Variants in HMBOX1 observed in about 807,000 individuals in gnomAD.
HMBOX1 encodes the protein homeobox-containing protein 1.
Under a neutral mutation model 54.5 loss-of-function variants are expected in HMBOX1, and 14 were observed. The observed-to-expected ratio is 0.26, with a 90% CI of 0.17 to 0.40. The LOEUF (loss-of-function observed/expected upper bound fraction) is 0.40, where lower values mean the gene tolerates loss of function less well. Among genes scored for constraint, HMBOX1 ranks in the 10% least tolerant of loss-of-function variants. HMBOX1 has a pLI of 1.00. For missense variants in HMBOX1, 332 were observed against 514.4 expected, an observed-to-expected ratio of 0.65 and a Z score of 3.43; for synonymous variants, 160 against 181.0, an observed-to-expected ratio of 0.88 and a Z score of 0.93.
At chr8:28,896,277 GT>G (rs770641708) in intron 1 of HMBOX1, among the ~76,000 whole-genome samples, 5 of 152,166 alleles carry the variant, frequency 3.3e-5, no homozygotes, top group African/African-American at 4.8e-5. Context: ...CTTTTCCCCA[GT>G]TTCCCCTATT....
intron 9 of HMBOX1, chr8:29,050,733 G>GATC (rs767036129): frequency 2.5e-6 from 1 of 393,772 alleles, no homozygotes; most frequent in East Asian, 4.9e-5. Context: ...CTGCAGGTTT[G>GATC]ATCATCATCA....
intron 1 of HMBOX1, among the ~76,000 whole-genome samples, chr8:28,919,773 A>T (rs1019078149): frequency 6.6e-6 from 1 of 152,216 alleles, no homozygotes; most frequent in African/African-American, 2.4e-5. Flanking sequence ...GGTAGTATAT[A>T]ATTTGTATTT....
intron 1 of HMBOX1, among the ~76,000 whole-genome samples, chr8:28,909,348 G>C (rs1210897695): frequency 1.3e-5 from 2 of 152,066 alleles, no homozygotes; most frequent in East Asian, 3.9e-4. Context: ...TGGGTAACTA[G>C]AAAAATTAAG....
intron 1 of HMBOX1, among the ~76,000 whole-genome samples, chr8:28,896,592 T>C (rs1455867081): frequency 1.3e-5 from 2 of 148,794 alleles, no homozygotes; most frequent in Admixed American, 6.7e-5. Flanking sequence ...ACGGACTGAA[T>C]ATATGACAGT....
intron 6 of HMBOX1, among the ~76,000 whole-genome samples, chr8:29,037,474 G>A (rs7018244): frequency 0.4 from 61,130 of 151,800 alleles, 12,899 homozygotes; most frequent in African/African-American, 0.53. Flanking sequence ...GGGATACACA[G>A]GAAAATATAA....
At chr8:29,034,830 C>T (rs967672815) in intron 6 of HMBOX1, among the ~76,000 whole-genome samples, 4 of 151,994 alleles carry the variant, frequency 2.6e-5, no homozygotes, top group African/African-American at 7.3e-5. Flanking sequence ...GTACTCCAGC[C>T]GGGGCAGCAG....
chr8:29,039,967 C>T (rs1438934989), intron 6 of HMBOX1, among the ~76,000 whole-genome samples: 3 of 152,060 alleles, frequency 2.0e-5, no homozygotes, highest in Non-Finnish European at 4.4e-5. Flanking sequence ...CACTAGTTGC[C>T]TTCTGTTTTT....
chr8:29,003,307 C>T (rs1450912466), intron 4 of HMBOX1, among the ~76,000 whole-genome samples: 1 of 151,542 alleles, frequency 6.6e-6, no homozygotes, highest in East Asian at 1.9e-4. Flanking sequence ...ACATTAACAA[C>T]AACTGCAGTA....
chr8:29,045,353 C>T lies in HMBOX1; in HGVS notation c.852-8C>T, dbSNP rs1805420231. On this transcript the variant is annotated splice_region_variant and splice_polypyrimidine_tract_variant and intron_variant, in intron 6 of 9. Transcript: ENST00000287701. ...AAAACTTTGTGTCTGTATCGGTTGC[C>T]TCTGCAGTTACTTCAATGAGAATCA... 6.2e-7 allele frequency: 1 copy of T among 1,612,022 alleles called. No individual in the cohort carries two copies. The highest frequency in any genetic ancestry group is 8.5e-7 in the Non-Finnish European group (1 of 1,178,096).
At chr8:28,976,396 T>TTTG (rs759293993) in intron 3 of HMBOX1, among the ~76,000 whole-genome samples, 41 of 152,190 alleles carry the variant, frequency 2.7e-4, no homozygotes, top group East Asian at 5.8e-4. Flanking sequence ...ATTGATGCTT[T>TTTG]TTGTTGTTGT....
intron 1 of HMBOX1, among the ~76,000 whole-genome samples, chr8:28,952,014 A>T (rs543070228): frequency 5.9e-5 from 9 of 152,218 alleles, no homozygotes; most frequent in Admixed American, 2.0e-4. Context: ...CTCTACAAAA[A>T]TTTTTTTAAA....
intron 1 of HMBOX1, among the ~76,000 whole-genome samples, chr8:28,912,050 C>T (rs1462466356): frequency 6.6e-6 from 1 of 152,140 alleles, no homozygotes; most frequent in Non-Finnish European, 1.5e-5. Context: ...TAACCAAAGG[C>T]TATTTTATAA....
intron 1 of HMBOX1, among the ~76,000 whole-genome samples, chr8:28,923,251 A>G (rs1350658731): frequency 2.0e-5 from 3 of 152,152 alleles, no homozygotes; most frequent in African/African-American, 7.2e-5. Context: ...TGTTCTGGAC[A>G]TTTCATATAA....
At chr8:28,930,213 C>A (rs576539573) in intron 1 of HMBOX1, among the ~76,000 whole-genome samples, 47 of 152,202 alleles carry the variant, frequency 3.1e-4, no homozygotes, top group African/African-American at 1.1e-3. Context: ...TTAAATATTT[C>A]TCTCAATTCT....
intron 1 of HMBOX1, among the ~76,000 whole-genome samples, chr8:28,946,569 CAA>C (rs879518052): frequency 7.3e-6 from 1 of 136,310 alleles, no homozygotes. Flanking sequence ...GACTCCGTCT[CAA>C]AAAAAAAAAA....
At chr8:29,045,472 C>A in intron 7 of HMBOX1, 29 bp downstream of exon 7, 1 of 1,559,382 alleles carries the variant, frequency 6.4e-7, no homozygotes, top group Non-Finnish European at 8.8e-7. Flanking sequence ...CCTTGCTCTG[C>A]GGTGCAGCAC....
chr8:29,001,282 G>A (rs1038190833), intron 4 of HMBOX1, among the ~76,000 whole-genome samples: 2 of 152,152 alleles, frequency 1.3e-5, no homozygotes, highest in African/African-American at 4.8e-5. Flanking sequence ...AGACACAGTG[G>A]CCCACTCCTG....
intron 5 of HMBOX1, among the ~76,000 whole-genome samples, chr8:29,017,070 A>C (rs1013255848): frequency 6.6e-6 from 1 of 152,168 alleles, no homozygotes; most frequent in African/African-American, 2.4e-5. Flanking sequence ...GCACTTCTCC[A>C]TGTGGCATTT....
rs747153708 is a variant in HMBOX1 at position 29,051,510 on chromosome 8, G to A, written c.*355G>A. The A allele has an allele frequency of 1.7e-4, 118 of 702,772 alleles. No individual in the cohort carries two copies. In the South Asian group the frequency reaches 1.7e-3, roughly 10 times the overall value. The allele number at this position is 702,772 out of a possible 1,614,324, so 43.5% of individuals were successfully genotyped here. ...ACGTGTAAAATCTTGGGTACCTTTAGATTCTTGTAACACTAGTCTGTACTC... is the reference window on the plus strand; with the variant it reads ...ACGTGTAAAATCTTGGGTACCTTTAAATTCTTGTAACACTAGTCTGTACTC... On this transcript the variant is annotated 3_prime_UTR_variant, in exon 10 of 10. Coordinates refer to ENST00000287701, the MANE Select transcript of HMBOX1 (RefSeq NM_001135726.3).
Sources: allele counts gnomAD v4.1 joint callset (sites outside exome capture counted in the v4.1 genomes callset), GRCh38; gene constraint gnomAD v4.1.1; transcripts MANE v1.5; gene names NCBI Gene and HGNC (gene_info 2026-07-23, HGNC 2026-07-21).